MLIP: variants seen among roughly 807,000 people sequenced by gnomAD.
MLIP encodes the protein muscular LMNA interacting protein, also known as muscular LMNA-interacting protein.
MLIP carries 79 observed loss-of-function variants against 84.8 expected under a neutral mutation model. The ratio of observed to expected loss-of-function variants is 0.93; its 90% confidence interval spans 0.78 to 1.12. The LOEUF (loss-of-function observed/expected upper bound fraction) is 1.12. MLIP is among the 50% of genes most tolerant of loss of function. The probability of loss-of-function intolerance (pLI) is 0.00; values close to 1 mark genes in which losing one functional copy is unlikely to be tolerated. For synonymous variants in MLIP, 504 were observed against 463.0 expected (o/e 1.09, Z -1.14); for missense variants, 1,257 against 1,160.6 (o/e 1.08, Z -1.21).
In MLIP at chr6:54,117,721, C is replaced by T. The variant is rs527682625; in HGVS notation, c.97-3726C>T. Among the ~76,000 whole-genome samples the T allele has an allele frequency of 7.9e-5, 12 of 151,236 alleles. No individual in the cohort carries two copies. In the East Asian group the frequency reaches 1.2e-3, roughly 15 times the overall value. On this transcript the variant is annotated intron_variant, in intron 1 of 13. Coordinates refer to ENST00000502396, the MANE Select transcript of MLIP (RefSeq NM_001281747.2). ...CAGCACTTTGGGAGGCCGAGATGGG[C>T]GGATCACGAGATCAGGAGATCGACA...
At chr6:54,148,917 T>C in intron 4 of MLIP, 139 bp from the exon 5 acceptor site, 1 of 611,548 alleles carries the variant, frequency 1.6e-6, no homozygotes, top group Non-Finnish European at 2.8e-6. Flanking sequence ...ATTGTTTCTG[T>C]CAGAAACAAG....
At chr6:54,169,976 G>T (rs561692591) in intron 9 of MLIP, among the ~76,000 whole-genome samples, 1 of 151,724 alleles carries the variant, frequency 6.6e-6, no homozygotes, top group African/African-American at 2.4e-5. Context: ...TGACTCTTTT[G>T]TTGCTTTCCT....
rs1245544016 is a variant in MLIP at position 54,137,879 on chromosome 6, T to C, written c.1810T>C (p.Phe604Leu). ...TCCTCCTATTAATCAAAGAGCTACG[T>C]TCTCTTCTTCAGAGAAATGTTTCCA... ...LSPPINQRAT[F>L]SSSEKCFHPS... Residue 604 changes from phenylalanine to leucine, a missense_variant, in exon 4 of 14, where the codon TTC becomes CTC. Transcript: ENST00000502396. 9 of 1,536,010 alleles carry C rather than the reference T, an allele frequency of 5.9e-6. No homozygotes were observed. The highest frequency in any genetic ancestry group is 2.0e-5 in the Admixed American group (1 of 50,972).
At chr6:54,234,516 ACTTGATCCTTTTC>A (rs1282844659) in intron 12 of MLIP, among the ~76,000 whole-genome samples, 2 of 152,114 alleles carry the variant, frequency 1.3e-5, no homozygotes, top group African/African-American at 4.8e-5. Flanking sequence ...CAAAAGGAGC[ACTTGATCCTTTTC>A]CTTGATGATG....
chr6:54,147,978 T>C (rs1773037471), intron 4 of MLIP, among the ~76,000 whole-genome samples: 1 of 152,180 alleles, frequency 6.6e-6, no homozygotes. Flanking sequence ...TGATTCCTCA[T>C]GACTTCAACT....
At position 54,247,726 on chromosome 6, in the gene MLIP, A is replaced by C. The variant is rs543343452; in HGVS notation, c.2923-9582A>C. On this transcript the variant is annotated intron_variant, in intron 12 of 13. Transcript: ENST00000502396. Reference sequence around the variant, plus strand: ...AGAAGCCCTTCTGTTACCTATAGACATACAGTCCTTAGCTCATCTGCCTGC... The same window carrying C: ...AGAAGCCCTTCTGTTACCTATAGACCTACAGTCCTTAGCTCATCTGCCTGC... Among the ~76,000 whole-genome samples the C allele has an allele frequency of 2.6e-5, 4 of 152,194 alleles. No homozygotes were observed. In the East Asian group the frequency reaches 7.7e-4, roughly 29 times the overall value.
At chr6:54,148,242 C>T (rs1257763883) in intron 4 of MLIP, among the ~76,000 whole-genome samples, 1 of 152,118 alleles carries the variant, frequency 6.6e-6, no homozygotes, top group Admixed American at 6.6e-5. Flanking sequence ...GAACTCAGTT[C>T]ATCAGCTGGA....
chr6:54,096,204 C>A (rs181603892), intron 1 of MLIP, among the ~76,000 whole-genome samples: 133 of 152,138 alleles, frequency 8.7e-4, no homozygotes, highest in Non-Finnish European at 1.4e-3. Flanking sequence ...TTTGGGGGCA[C>A]AGGAAAATTT....
In MLIP at chr6:54,104,464, T is replaced by C. The variant is rs377459790; in HGVS notation, c.64-16983T>C. Among the ~76,000 whole-genome samples, 51 of 152,324 alleles carry C rather than the reference T, an allele frequency of 3.3e-4. 1 individual carries two copies. The highest frequency in any genetic ancestry group is 1.3e-3 in the Admixed American group (20 of 15,292). ...CATACCTTATTAGTACCTCTTTGAA[T>C]ATATTTTCAGGTCTTTCAGTCAATC... On this transcript the variant is annotated intron_variant, in intron 1 of 12. Transcript: ENST00000274897.
chr6:54,219,483 G>GACC (rs1780086233), intron 11 of MLIP, among the ~76,000 whole-genome samples: 1 of 150,208 alleles, frequency 6.7e-6, no homozygotes, highest in African/African-American at 2.4e-5. Context: ...TAATCTATGG[G>GACC]ACCACCAATA....
chr6:54,181,286 C>T (rs890676531), intron 9 of MLIP, among the ~76,000 whole-genome samples: 3 of 152,082 alleles, frequency 2.0e-5, no homozygotes, highest in African/African-American at 7.2e-5. Flanking sequence ...CTGTGGCCAC[C>T]AACACCACCA....
chr6:54,150,723 A>C (rs541225129), intron 5 of MLIP, among the ~76,000 whole-genome samples: 6 of 152,222 alleles, frequency 3.9e-5, no homozygotes, highest in Non-Finnish European at 8.8e-5. Flanking sequence ...TTGTGAGATA[A>C]GACTAGATGT....
chr6:54,242,183 G>A (rs956396073), intron 12 of MLIP, among the ~76,000 whole-genome samples: 2 of 152,234 alleles, frequency 1.3e-5, no homozygotes, highest in South Asian at 2.1e-4. Flanking sequence ...GTCCAGAGTG[G>A]GTAGGTGGGA....
At chr6:54,178,467 C>T (rs1776523499) in intron 9 of MLIP, among the ~76,000 whole-genome samples, 1 of 151,956 alleles carries the variant, frequency 6.6e-6, no homozygotes, top group Non-Finnish European at 1.5e-5. Context: ...GTTTGGTTTG[C>T]TCTTGACTTT....
chr6:54,047,560 A>C (rs1006533683), intron 1 of MLIP: 4 of 152,252 alleles, frequency 2.6e-5, no homozygotes, highest in African/African-American at 9.7e-5. Flanking sequence ...GTAAGCAGGC[A>C]GGGAAGTAGG....
upstream of MLIP, among the ~76,000 whole-genome samples, chr6:54,110,440 G>GT (rs1030567561): frequency 7.9e-5 from 12 of 152,082 alleles, no homozygotes; most frequent in East Asian, 5.8e-4. Flanking sequence ...AAGGCTCATA[G>GT]TTTTTTTTAT....
intron 9 of MLIP, among the ~76,000 whole-genome samples, chr6:54,173,279 A>G (rs1775953849): frequency 6.6e-6 from 1 of 151,844 alleles, no homozygotes; most frequent in South Asian, 2.1e-4. Context: ...ACATACTTGT[A>G]GAAGTATAAG....
chr6:54,019,838 A>G (rs1041152625), intron 1 of MLIP, among the ~76,000 whole-genome samples: 4 of 152,212 alleles, frequency 2.6e-5, no homozygotes, highest in African/African-American at 9.6e-5. Context: ...ATTGTTCTAG[A>G]TGTATGAAGT....
chr6:54,036,112 C>G (rs575024786), intron 1 of MLIP, among the ~76,000 whole-genome samples: 74 of 151,874 alleles, frequency 4.9e-4, no homozygotes, highest in Non-Finnish European at 9.3e-4. Flanking sequence ...ATATTTAAGT[C>G]TATGATCCAG....
Sources: gnomAD v4.1 joint callset for allele counts (sites outside exome capture counted in the v4.1 genomes callset) on GRCh38, gnomAD v4.1.1 for gene constraint, MANE v1.5 for transcripts, NCBI Gene and HGNC (gene_info 2026-07-23, HGNC 2026-07-21) for gene names.